Variants in ZNF618 observed in about 807,000 individuals in gnomAD.
ZNF618 encodes zinc finger protein 618.
Under a neutral mutation model 103.0 loss-of-function variants are expected in ZNF618, and 34 were observed. The ratio of observed to expected loss-of-function variants is 0.33; its 90% CI spans 0.25 to 0.44. ZNF618 has a LOEUF of 0.44. Ranked by LOEUF, ZNF618 falls within the 20% of genes least tolerant of loss-of-function variation. ZNF618 has a pLI of 1.00. For missense variants in ZNF618, 1,059 were observed against 1,295.4 expected, an observed-to-expected ratio of 0.82 and a Z score of 2.80; for synonymous variants, 551 against 542.2, an observed-to-expected ratio of 1.02 and a Z score of -0.23.
intron 2 of ZNF618, among the ~76,000 whole-genome samples, chr9:113,970,233 T>C (rs1428915432): frequency 6.6e-6 from 1 of 152,088 alleles, no homozygotes; most frequent in African/African-American, 2.4e-5. Context: ...ACCCCTTTTT[T>C]TTTGACGTTC....
intron 1 of ZNF618, among the ~76,000 whole-genome samples, chr9:113,898,438 G>GT (rs11457055): frequency 0.29 from 36,528 of 124,006 alleles, 5,565 homozygotes; most frequent in East Asian, 0.64. Flanking sequence ...CAGATTTTTC[G>GT]TTTTTTTTTT....
intron 1 of ZNF618, among the ~76,000 whole-genome samples, chr9:113,958,019 A>G (rs1836478875): frequency 6.6e-6 from 1 of 152,140 alleles, no homozygotes; most frequent in South Asian, 2.1e-4. Flanking sequence ...ATTCAGTCAC[A>G]TGACTCACTC....
At chr9:113,941,071 TC>T (rs1220349088) in intron 1 of ZNF618, among the ~76,000 whole-genome samples, 1 of 152,086 alleles carries the variant, frequency 6.6e-6, no homozygotes, top group African/African-American at 2.4e-5. Flanking sequence ...TTTCTGCTTG[TC>T]CCTTCCCCAA....
chr9:113,935,741 G>C (rs941430954), intron 1 of ZNF618, among the ~76,000 whole-genome samples: 1 of 152,118 alleles, frequency 6.6e-6, no homozygotes, highest in Non-Finnish European at 1.5e-5. Context: ...ACTCTTTGAG[G>C]GTGGGTGAAG....
chr9:113,876,944 C>G (rs1828012281), intron 1 of ZNF618, among the ~76,000 whole-genome samples: 1 of 149,484 alleles, frequency 6.7e-6, no homozygotes, highest in African/African-American at 2.5e-5. Flanking sequence ...AGTTTTTTCC[C>G]ATTAAAACGA....
At chr9:113,964,240 G>A (rs1053535228) in intron 1 of ZNF618, among the ~76,000 whole-genome samples, 1 of 152,150 alleles carries the variant, frequency 6.6e-6, no homozygotes, top group Non-Finnish European at 1.5e-5. Context: ...CTCAGGCTCG[G>A]TTCTCTTATC....
At chr9:114,036,165 C>A in intron 12 of ZNF618, 135 bp from the exon 13 acceptor site, 3 of 719,446 alleles carry the variant, frequency 4.2e-6, no homozygotes, top group South Asian at 3.6e-5. Flanking sequence ...GGGAGGCAGG[C>A]AGGCTGGGCC....
At chr9:113,923,971 C>T (rs1470986722) in intron 1 of ZNF618, among the ~76,000 whole-genome samples, 1 of 151,982 alleles carries the variant, frequency 6.6e-6, no homozygotes, top group Admixed American at 6.5e-5. Context: ...GATTTTGGAG[C>T]ACTTTGGATT....
intron 1 of ZNF618, among the ~76,000 whole-genome samples, chr9:113,956,102 G>C (rs936955399): frequency 6.6e-6 from 1 of 150,912 alleles, no homozygotes; most frequent in South Asian, 2.1e-4. Flanking sequence ...CCAGCTACTC[G>C]GGAGGCTGAG....
chr9:113,890,134 A>T (rs1829480325), intron 1 of ZNF618, among the ~76,000 whole-genome samples: 1 of 152,200 alleles, frequency 6.6e-6, no homozygotes, highest in African/African-American at 2.4e-5. Flanking sequence ...TTAAATGTCT[A>T]CTAAGAGTTA....
intron 1 of ZNF618, among the ~76,000 whole-genome samples, chr9:113,923,424 A>G (rs1472417768): frequency 1.3e-5 from 2 of 152,158 alleles, no homozygotes; most frequent in East Asian, 3.8e-4. Flanking sequence ...TGTTAGCTGT[A>G]GGTTTTTTGT....
intron 13 of ZNF618, among the ~76,000 whole-genome samples, chr9:114,037,778 G>GT (rs1188868776): frequency 9.9e-5 from 15 of 152,160 alleles, no homozygotes; most frequent in African/African-American, 3.6e-4. Context: ...TATTAATTGG[G>GT]TATCTGCTGT....
At position 114,028,943 on chromosome 9, in the gene ZNF618, C is replaced by T. The variant is rs1467843150; in HGVS notation, c.1055C>T (p.Ser352Leu). The change falls in exon 11 of 15, where the codon TCG becomes TTG. Residue 352 changes from serine (S) to leucine (L), a missense_variant. By Grantham distance (145) the Ser-to-Leu change is moderately radical (BLOSUM62 -2). Transcript: ENST00000374126. ...TQTQTFRTPN[S>L]GSPASKATAA... The stretch of plus-strand genomic sequence containing the variant: ...ACCCAGACGTTCCGCACTCCAAATT[C>T]GGGATCTCCGGCGAGCAAGGCAACC... 5.2e-6 allele frequency: 8 copies of T among 1,550,612 alleles called. No individual in the cohort carries two copies. The highest frequency in any genetic ancestry group is 2.0e-5 in the Admixed American group (1 of 50,990).
intron 1 of ZNF618, among the ~76,000 whole-genome samples, chr9:113,889,312 C>T (rs771223686): frequency 2.7e-4 from 33 of 120,556 alleles, no homozygotes; most frequent in Non-Finnish European, 5.3e-4. Context: ...TGTCTCCCCG[C>T]TACCATCTCT....
chr9:113,887,929 T>G (rs2130942484), intron 1 of ZNF618, among the ~76,000 whole-genome samples: 1 of 152,390 alleles, frequency 6.6e-6, no homozygotes, highest in Non-Finnish European at 1.5e-5. Flanking sequence ...TTTATCTGCC[T>G]TGAAATACAA....
chr9:113,987,907 TCC>T (rs202147786), intron 2 of ZNF618, among the ~76,000 whole-genome samples: 1 of 94,844 alleles, frequency 1.1e-5, no homozygotes, highest in Non-Finnish European at 2.5e-5. Flanking sequence ...TTTTTCAAGA[TCC>T]CCCCCAGCTG....
At chr9:114,019,906 G>A (rs986474013) in intron 10 of ZNF618, among the ~76,000 whole-genome samples, 3 of 152,156 alleles carry the variant, frequency 2.0e-5, no homozygotes, top group Non-Finnish European at 4.4e-5. Flanking sequence ...CTACCTCAAG[G>A]ATATCCTTGC....
intron 1 of ZNF618, among the ~76,000 whole-genome samples, chr9:113,882,310 C>G (rs556767221): frequency 1.3e-5 from 2 of 152,210 alleles, no homozygotes; most frequent in African/African-American, 2.4e-5. Flanking sequence ...GGGAAAGTCA[C>G]TCTGGTTCTG....
At chr9:114,042,507 C>A (rs1845290244) in intron 13 of ZNF618, among the ~76,000 whole-genome samples, 1 of 151,942 alleles carries the variant, frequency 6.6e-6, no homozygotes, top group South Asian at 2.1e-4. Context: ...ATAGCATGAC[C>A]CTGTGTCTAA....
Sources: allele counts gnomAD v4.1 joint callset (sites outside exome capture counted in the v4.1 genomes callset), GRCh38; gene constraint gnomAD v4.1.1; transcripts MANE v1.5; gene names NCBI Gene and HGNC (gene_info 2026-07-23, HGNC 2026-07-21).